LRRC74A: variants seen among roughly 807,000 people sequenced by gnomAD.
The protein encoded by LRRC74A is leucine-rich repeat-containing protein 74A.
Under a neutral mutation model 57.9 loss-of-function variants are expected in LRRC74A, and 44 were observed. The observed-to-expected ratio is 0.76, with a 90% CI of 0.60 to 0.98. The LOEUF (loss-of-function observed/expected upper bound fraction) is 0.98. Among genes scored for constraint, LRRC74A ranks in the 50% least tolerant of loss-of-function variants. LRRC74A has a pLI of 0.00. For missense variants in LRRC74A, 572 were observed against 574.0 expected (o/e 1.00, Z 0.04); for synonymous variants, 211 against 219.4 (o/e 0.96, Z 0.34).
At chr14:76,863,134 T>C (rs576693860) in intron 11 of LRRC74A, among the ~76,000 whole-genome samples, 1 of 152,088 alleles carries the variant, frequency 6.6e-6, no homozygotes, top group Non-Finnish European at 1.5e-5. Flanking sequence ...GAAACATCTC[T>C]AGGACTTGGC....
intron 13 of LRRC74A, 67 bp from the exon 14 acceptor site, chr14:76,870,058 A>C: frequency 6.5e-7 from 1 of 1,548,616 alleles, no homozygotes; most frequent in South Asian, 1.2e-5. Context: ...GCCTGTCTTA[A>C]CATTCTCACC....
intron 11 of LRRC74A, among the ~76,000 whole-genome samples, chr14:76,862,962 G>A (rs1318288496): frequency 1.3e-5 from 2 of 152,148 alleles, no homozygotes; most frequent in Non-Finnish European, 2.9e-5. Flanking sequence ...TGCGAATCCA[G>A]CAGGATTGAG....
chr14:76,859,245 A>T (rs1341558082), intron 10 of LRRC74A, among the ~76,000 whole-genome samples: 1 of 152,096 alleles, frequency 6.6e-6, no homozygotes, highest in African/African-American at 2.4e-5. Flanking sequence ...AGAACATTAG[A>T]AATGTTCTCT....
intron 12 of LRRC74A, among the ~76,000 whole-genome samples, chr14:76,867,142 G>T (rs1209401559): frequency 5.3e-5 from 1 of 18,714 alleles, no homozygotes; most frequent in African/African-American, 2.2e-4. Context: ...GTAGTGTGGG[G>T]GGGTGTGTGT....
chr14:76,865,689 G>T (rs536808418), intron 11 of LRRC74A, among the ~76,000 whole-genome samples: 2 of 152,334 alleles, frequency 1.3e-5, no homozygotes, highest in Admixed American at 6.5e-5. Context: ...GGAATGGAGG[G>T]AGCGTCTGTG....
Position 76,867,877 on chromosome 14 carries a change from G to T in LRRC74A, c.1391+439G>T, listed in dbSNP as rs559890613. On this transcript the variant is annotated intron_variant, in intron 13 of 13. Coordinates refer to ENST00000689127, the MANE Select transcript of LRRC74A (RefSeq NM_001385106.1). ...CAAGACGGAGACCTAGACAGAGGGCGGAGGCACACAAGCACCAAATGCTAA... is the reference window on the plus strand; with the variant it reads ...CAAGACGGAGACCTAGACAGAGGGCTGAGGCACACAAGCACCAAATGCTAA... 1.6e-4 allele frequency among the ~76,000 whole-genome samples: 25 copies of T among 152,202 alleles called. 1 individual carries two copies. The highest frequency in any genetic ancestry group is 5.1e-4 in the African/African-American group (21 of 41,456).
chr14:76,846,694 A>G, intron 7 of LRRC74A, among the ~76,000 whole-genome samples: 1 of 151,888 alleles, frequency 6.6e-6, no homozygotes, highest in Non-Finnish European at 1.5e-5. Flanking sequence ...AGAGAGATAG[A>G]CTCATGGTCA....
chr14:76,852,761 G>T (rs1273148211), intron 8 of LRRC74A, among the ~76,000 whole-genome samples: 1 of 151,844 alleles, frequency 6.6e-6, no homozygotes, highest in Non-Finnish European at 1.5e-5. Context: ...TGAGACTACA[G>T]GTGCCCGCCA....
At position 76,852,425 on chromosome 14, in the gene LRRC74A, C is replaced by T. The variant is rs1044277986; in HGVS notation, c.737C>T (p.Ala246Val). The T allele has an allele frequency of 1.2e-6, 2 of 1,610,614 alleles. No individual in the cohort carries two copies. Among genetic ancestry groups the T allele is most frequent in the African/African-American group, 2.7e-5 (2 of 74,786 alleles). ...TGGAATAACTTCCACACAAGGGGAGCTGTGGCCTTGTGCAATGGTCTCCGG... is the reference window on the plus strand; with the variant it reads ...TGGAATAACTTCCACACAAGGGGAGTTGTGGCCTTGTGCAATGGTCTCCGG... Reference protein sequence around the residue: ...LSWNNFHTRGAVALCNGLRGN... With the variant: ...LSWNNFHTRGVVALCNGLRGN... The change falls in exon 8 of 14, where the codon GCT becomes GTT. Residue 246 changes from alanine to valine, a missense_variant. Transcript: ENST00000689127.
At chr14:76,863,185 AGTGTGTGT>A (rs112669509) in intron 11 of LRRC74A, among the ~76,000 whole-genome samples, 16 of 145,318 alleles carry the variant, frequency 1.1e-4, no homozygotes, top group African/African-American at 2.6e-4. Context: ...CATGCATGTG[AGTGTGTGT>A]GTGTGTGTGT....
At chr14:76,837,522 A>G (rs1595353278) in intron 4 of LRRC74A, among the ~76,000 whole-genome samples, 1 of 152,334 alleles carries the variant, frequency 6.6e-6, no homozygotes, top group East Asian at 1.9e-4. Context: ...TTCACTGCCA[A>G]GCTCTCCAAA....
intron 11 of LRRC74A, among the ~76,000 whole-genome samples, chr14:76,863,994 T>C (rs1288859357): frequency 6.6e-6 from 1 of 152,224 alleles, no homozygotes; most frequent in African/African-American, 2.4e-5. Context: ...AGGCCATCCA[T>C]TCTGACCCCC....
chr14:76,838,034 C>CA (rs1896490990), intron 5 of LRRC74A, 63 bp downstream of exon 5: 4 of 1,101,228 alleles, frequency 3.6e-6, no homozygotes, highest in Non-Finnish European at 5.3e-6. Context: ...AGGGGAAAAA[C>CA]AGAGAATTCA....
chr14:76,843,389 C>A (rs1395666877), intron 5 of LRRC74A, among the ~76,000 whole-genome samples: 2 of 148,890 alleles, frequency 1.3e-5, no homozygotes, highest in Non-Finnish European at 3.0e-5. Flanking sequence ...GGATATTATT[C>A]TTCTTGATTA....
chr14:76,856,792 GTGGATGGA>G (rs59726536), intron 9 of LRRC74A, among the ~76,000 whole-genome samples: 2 of 129,678 alleles, frequency 1.5e-5, no homozygotes, highest in South Asian at 5.3e-4. Context: ...GGATAAGTGA[GTGGATGGA>G]TGGATGGATG....
In LRRC74A at chr14:76,836,363, C is replaced by T. The variant is rs576461252; in HGVS notation, c.447+49C>T. On this transcript the variant is annotated intron_variant, in intron 4 of 13. Transcript: ENST00000689127. ...TCTTACCATCATCCCTGGGGATTCA[C>T]AACCCACTGGAGACAAGCCAGAGGC... 7 of 1,395,716 alleles carry T rather than the reference C, an allele frequency of 5.0e-6. No homozygotes were observed. The African/African-American group carries it at 9.9e-5, about 20-fold the overall frequency. The allele number at this position is 1,395,716 out of a possible 1,614,324, so 86.5% of individuals were successfully genotyped here. A position where few individuals can be genotyped will look rare whatever the true frequency, so the allele number is the denominator to read the frequency against.
intron 1 of LRRC74A, among the ~76,000 whole-genome samples, chr14:76,827,607 G>T (rs528395411): frequency 1.3e-5 from 2 of 152,260 alleles, no homozygotes; most frequent in South Asian, 4.1e-4. Flanking sequence ...AAGTGCAGAG[G>T]ACTGGTGTGA....
intron 2 of LRRC74A, among the ~76,000 whole-genome samples, chr14:76,830,754 A>T (rs1424878305): frequency 6.6e-6 from 1 of 152,206 alleles, no homozygotes; most frequent in Non-Finnish European, 1.5e-5. Flanking sequence ...CATGACTCAC[A>T]ACCTTGTGAT....
intron 11 of LRRC74A, among the ~76,000 whole-genome samples, chr14:76,865,132 G>A (rs1482761401): frequency 6.6e-6 from 1 of 152,206 alleles, no homozygotes; most frequent in Non-Finnish European, 1.5e-5. Context: ...CTTGCAACGT[G>A]AGTAATAATA....
Sources: allele counts gnomAD v4.1 joint callset (sites outside exome capture counted in the v4.1 genomes callset), GRCh38; gene constraint gnomAD v4.1.1; transcripts MANE v1.5; gene names NCBI Gene and HGNC (gene_info 2026-07-23, HGNC 2026-07-21).